Variants in ASTN2 observed in about 807,000 individuals in gnomAD.
ASTN2 encodes the protein astrotactin 2, also known as astrotactin-2.
Under a neutral mutation model 139.8 loss-of-function variants are expected in ASTN2, and 54 were observed. The ratio of observed to expected loss-of-function variants is 0.39; its 90% CI spans 0.31 to 0.48. The LOEUF is 0.48. Ranked by LOEUF, ASTN2 falls within the 20% of genes least tolerant of loss-of-function variation. ASTN2 has a pLI of 0.95. For missense variants in ASTN2, 1,565 were observed against 1,725.1 expected, an observed-to-expected ratio of 0.91 and a Z score of 1.64; for synonymous variants, 756 against 719.5, an observed-to-expected ratio of 1.05 and a Z score of -0.81.
intron 10 of ASTN2, among the ~76,000 whole-genome samples, chr9:116,895,002 G>C (rs192065270): frequency 6.6e-6 from 1 of 152,342 alleles, no homozygotes; most frequent in Admixed American, 6.5e-5. Flanking sequence ...GGTCCCATGA[G>C]TTGGTAGAAT....
At chr9:116,679,643 C>G (rs915540433) in intron 16 of ASTN2, among the ~76,000 whole-genome samples, 5 of 152,160 alleles carry the variant, frequency 3.3e-5, no homozygotes, top group Admixed American at 6.5e-5. Context: ...CTCTCCTCAG[C>G]AAATGTAAAA....
intron 2 of ASTN2, among the ~76,000 whole-genome samples, chr9:117,279,747 C>A (rs1834281199): frequency 6.6e-6 from 1 of 152,112 alleles, no homozygotes; most frequent in South Asian, 2.1e-4. Context: ...TAATGAATAC[C>A]AGGACATTAA....
At chr9:116,509,885 C>T (rs186584993) in intron 19 of ASTN2, among the ~76,000 whole-genome samples, 5 of 152,116 alleles carry the variant, frequency 3.3e-5, no homozygotes, top group African/African-American at 4.8e-5. Flanking sequence ...TGTTTGAGTT[C>T]GTTGTAGATT....
chr9:116,714,845 C>T lies in ASTN2; in HGVS notation c.2806+10926G>A, dbSNP rs1266327991. 1.0e-4 allele frequency among the ~76,000 whole-genome samples: 4 copies of T among 39,114 alleles called. 2 individuals carry two copies. The highest frequency in any genetic ancestry group is 5.0e-4 in the African/African-American group (4 of 7,988). The allele number at this position is 39,114 out of a possible 152,430, so 25.7% of individuals were successfully genotyped here. The stretch of plus-strand genomic sequence containing the variant: ...CTGTAATCCCAGCACTTTGGGAGGC[C>T]GAGGCGGGCGGATCACGAGGTCAAG... On this transcript the variant is annotated intron_variant, in intron 16 of 22. Transcript: ENST00000313400.
chr9:116,608,071 C>G (rs1376282809), intron 19 of ASTN2, among the ~76,000 whole-genome samples: 3 of 152,196 alleles, frequency 2.0e-5, no homozygotes, highest in Non-Finnish European at 2.9e-5. Flanking sequence ...CCTAAAATTT[C>G]TCTTTGCCTT....
chr9:117,007,523 T>A (rs975628203), intron 7 of ASTN2, among the ~76,000 whole-genome samples: 2 of 152,258 alleles, frequency 1.3e-5, no homozygotes, highest in African/African-American at 4.8e-5. Context: ...GCTACCATAT[T>A]CCACAGTGCA....
chr9:116,527,312 T>C (rs1851137520), intron 19 of ASTN2, among the ~76,000 whole-genome samples: 1 of 152,086 alleles, frequency 6.6e-6, no homozygotes, highest in Non-Finnish European at 1.5e-5. Context: ...AATATATAAG[T>C]AATTTCAAAA....
intron 20 of ASTN2, among the ~76,000 whole-genome samples, chr9:116,452,164 A>G (rs570324321): frequency 6.6e-6 from 1 of 152,346 alleles, no homozygotes; most frequent in East Asian, 1.9e-4. Flanking sequence ...CAGAATGCCC[A>G]ATTATTCTAC....
intron 10 of ASTN2, among the ~76,000 whole-genome samples, chr9:116,899,371 T>C (rs1297783975): frequency 6.6e-6 from 1 of 152,212 alleles, no homozygotes; most frequent in Non-Finnish European, 1.5e-5. Context: ...CACCTGGAAC[T>C]CTGTTCTCTC....
intron 3 of ASTN2, among the ~76,000 whole-genome samples, chr9:117,143,250 C>T (rs1469061940): frequency 2.6e-5 from 4 of 152,180 alleles, no homozygotes; most frequent in African/African-American, 9.7e-5. Flanking sequence ...CCACAGATAT[C>T]TTAATTAGGT....
At position 116,495,707 on chromosome 9, in the gene ASTN2, GTCATAC is replaced by G. The variant is rs547074148; in HGVS notation, c.3356-8213_3356-8208del. 2.0e-3 allele frequency among the ~76,000 whole-genome samples: 299 copies of G among 152,234 alleles called. 1 individual carries two copies. Among genetic ancestry groups the G allele is most frequent in the African/African-American group, 6.5e-3 (272 of 41,536 alleles). ...ACAGATCTAAATCAAGTAGTCCAAA[GTCATAC>G]TCCATCTAAATAAGAAGGCTGGAAT... On this transcript the variant is annotated intron_variant, in intron 19 of 22. Transcript: ENST00000313400.
chr9:116,890,143 A>T (rs1287363727), intron 10 of ASTN2, among the ~76,000 whole-genome samples: 2 of 152,170 alleles, frequency 1.3e-5, no homozygotes, highest in African/African-American at 4.8e-5. Context: ...GGAGCGAGAA[A>T]TGTGCTGACA....
At chr9:116,979,527 G>A (rs1836449070) in intron 7 of ASTN2, among the ~76,000 whole-genome samples, 1 of 152,120 alleles carries the variant, frequency 6.6e-6, no homozygotes, top group African/African-American at 2.4e-5. Context: ...AGGAGGGGCA[G>A]GAGTCACTAA....
intron 11 of ASTN2, among the ~76,000 whole-genome samples, chr9:116,849,496 A>G (rs946402598): frequency 4.6e-5 from 7 of 152,186 alleles, no homozygotes; most frequent in Non-Finnish European, 1.0e-4. Flanking sequence ...ATAAACACCA[A>G]TATATATTAA....
At chr9:117,010,535 A>G (rs1413909642) in intron 6 of ASTN2, among the ~76,000 whole-genome samples, 3 of 152,190 alleles carry the variant, frequency 2.0e-5, no homozygotes, top group Non-Finnish European at 4.4e-5. Context: ...TTTTTAACTT[A>G]CCAGCTCTGC....
intron 6 of ASTN2, among the ~76,000 whole-genome samples, chr9:117,016,911 G>A (rs995528707): frequency 1.3e-5 from 2 of 150,816 alleles, no homozygotes; most frequent in East Asian, 3.9e-4. Context: ...ATTTGCTCCA[G>A]GCAAATGTGT....
intron 7 of ASTN2, among the ~76,000 whole-genome samples, chr9:116,981,993 G>C (rs1420420896): frequency 6.6e-6 from 1 of 152,162 alleles, no homozygotes; most frequent in African/African-American, 2.4e-5. Flanking sequence ...GCCATTTGTT[G>C]AGGTCTTTTT....
At chr9:116,793,407 A>G (rs1830607639) in intron 13 of ASTN2, among the ~76,000 whole-genome samples, 2 of 152,210 alleles carry the variant, frequency 1.3e-5, no homozygotes, top group East Asian at 3.9e-4. Context: ...CATGGAGCAT[A>G]TGTTATCCCT....
At chr9:116,930,479 G>T (rs1834867101) in intron 10 of ASTN2, among the ~76,000 whole-genome samples, 1 of 151,942 alleles carries the variant, frequency 6.6e-6, no homozygotes, top group Non-Finnish European at 1.5e-5. Context: ...CCCAAGATTG[G>T]GTACCCAAGA....
Sources: gnomAD v4.1 joint callset for allele counts (sites outside exome capture counted in the v4.1 genomes callset) on GRCh38, gnomAD v4.1.1 for gene constraint, MANE v1.5 for transcripts, NCBI Gene and HGNC (gene_info 2026-07-23, HGNC 2026-07-21) for gene names.